The following LRFN5 variants were observed in gnomAD, a reference collection of about 807,000 sequenced individuals.
LRFN5 encodes leucine-rich repeat and fibronectin type-III domain-containing protein 5.
LRFN5 carries 24 observed loss-of-function variants against 45.6 expected under a neutral mutation model. That is an observed-to-expected ratio of 0.53 (90% CI 0.38 to 0.74). The LOEUF (loss-of-function observed/expected upper bound fraction) is 0.74. Ranked by LOEUF, LRFN5 falls within the 30% of genes least tolerant of loss-of-function variation. The pLI is 0.00. For missense variants in LRFN5, 776 were observed against 861.5 expected (o/e 0.90, Z 1.24); for synonymous variants, 340 against 313.8 (o/e 1.08, Z -0.88).
At chr14:41,808,593 G>GGAAC (rs779746848) in intron 2 of LRFN5, among the ~76,000 whole-genome samples, 5 of 139,140 alleles carry the variant, frequency 3.6e-5, no homozygotes, top group Non-Finnish European at 7.7e-5. Flanking sequence ...AAGGAAGGAA[G>GGAAC]GAACGAAGGA....
intron 2 of LRFN5, among the ~76,000 whole-genome samples, chr14:41,786,227 A>G (rs2138931513): frequency 6.6e-6 from 1 of 152,266 alleles, no homozygotes; most frequent in Non-Finnish European, 1.5e-5. Flanking sequence ...CAAGATATTT[A>G]TCATTTGTAT....
intron 2 of LRFN5, among the ~76,000 whole-genome samples, chr14:41,877,457 C>T (rs1157137708): frequency 6.6e-6 from 1 of 152,056 alleles, no homozygotes; most frequent in African/African-American, 2.4e-5. Flanking sequence ...TTTGTTTCCT[C>T]ATCTATAAAA....
intron 2 of LRFN5, among the ~76,000 whole-genome samples, chr14:41,873,802 T>C (rs1890101953): frequency 1.3e-5 from 2 of 152,150 alleles, no homozygotes; most frequent in Non-Finnish European, 2.9e-5. Flanking sequence ...TCTGCATTGC[T>C]TTACTACTGT....
chr14:41,871,729 C>T (rs1394279388), intron 2 of LRFN5, among the ~76,000 whole-genome samples: 2 of 152,144 alleles, frequency 1.3e-5, no homozygotes, highest in African/African-American at 4.8e-5. Context: ...TTTATTTCAA[C>T]ATCTCTCCCA....
intron 2 of LRFN5, among the ~76,000 whole-genome samples, chr14:41,776,122 G>A (rs1260648796): frequency 6.6e-6 from 1 of 152,126 alleles, no homozygotes; most frequent in Non-Finnish European, 1.5e-5. Context: ...TAACATACAT[G>A]TTACTCTTTT....
At chr14:41,795,115 G>A (rs575248953) in intron 2 of LRFN5, among the ~76,000 whole-genome samples, 4 of 151,998 alleles carry the variant, frequency 2.6e-5, no homozygotes, top group South Asian at 2.1e-4. Context: ...TTTATTAAAT[G>A]TTCAGGCTTC....
chr14:41,837,194 CA>C (rs5808157), intron 2 of LRFN5, among the ~76,000 whole-genome samples: 7,228 of 75,636 alleles, frequency 0.096, 515 homozygotes, highest in African/African-American at 0.25. Flanking sequence ...ACACACTCCA[CA>C]AAAAAAAAAA....
intron 1 of LRFN5, among the ~76,000 whole-genome samples, chr14:41,753,819 G>C (rs1379419702): frequency 6.6e-6 from 1 of 152,168 alleles, no homozygotes; most frequent in Non-Finnish European, 1.5e-5. Context: ...TAGGAGTGGT[G>C]AGAGAGGGCA....
At chr14:41,715,831 T>G (rs980941557) in intron 1 of LRFN5, among the ~76,000 whole-genome samples, 1 of 152,182 alleles carries the variant, frequency 6.6e-6, no homozygotes, top group African/African-American at 2.4e-5. Flanking sequence ...GGTACTCCAG[T>G]AGGGACTCTG....
chr14:41,639,949 A>ATTTTT (rs34020254), intron 1 of LRFN5, among the ~76,000 whole-genome samples: 8 of 68,082 alleles, frequency 1.2e-4, no homozygotes, highest in African/African-American at 2.3e-4. Context: ...TGACTGGCTA[A>ATTTTT]TTTTTTTTTT....
At chr14:41,764,842 GCAGAATACATATATATGATTATA>G (rs1885812838) in intron 1 of LRFN5, among the ~76,000 whole-genome samples, 2 of 149,878 alleles carry the variant, frequency 1.3e-5, no homozygotes, top group African/African-American at 5.0e-5. Context: ...GATTATATAT[GCAGAATACATATATATGATTATA>G]TATGCAGAAT....
At chr14:41,713,503 G>A (rs1402634621) in intron 1 of LRFN5, among the ~76,000 whole-genome samples, 1 of 146,078 alleles carries the variant, frequency 6.8e-6, no homozygotes, top group Non-Finnish European at 1.5e-5. Flanking sequence ...GTAGTATTGA[G>A]GTATACAAAA....
At chr14:41,777,175 G>A (rs1011332010) in intron 2 of LRFN5, among the ~76,000 whole-genome samples, 2 of 151,600 alleles carry the variant, frequency 1.3e-5, no homozygotes, top group African/African-American at 2.4e-5. Flanking sequence ...GCCTAATGTT[G>A]ATTTTTTATT....
At chr14:41,743,396 T>A (rs1884790355) in intron 1 of LRFN5, among the ~76,000 whole-genome samples, 1 of 152,172 alleles carries the variant, frequency 6.6e-6, no homozygotes, top group Non-Finnish European at 1.5e-5. Context: ...GGCTGCTCAC[T>A]TAAACAGTGT....
chr14:41,744,191 G>GA, intron 1 of LRFN5, among the ~76,000 whole-genome samples: 1 of 151,930 alleles, frequency 6.6e-6, no homozygotes, highest in East Asian at 1.9e-4. Flanking sequence ...CTCATCTCTA[G>GA]AAAAAATACA....
chr14:41,873,033 G>GCATT (rs1344856225), intron 2 of LRFN5, among the ~76,000 whole-genome samples: 1 of 152,114 alleles, frequency 6.6e-6, no homozygotes, highest in African/African-American at 2.4e-5. Context: ...AGTTGATGTA[G>GCATT]CATTGTTCAC....
chr14:41,775,266 G>A (rs996424357), intron 2 of LRFN5, among the ~76,000 whole-genome samples: 1 of 151,380 alleles, frequency 6.6e-6, no homozygotes, highest in Non-Finnish European at 1.5e-5. Flanking sequence ...AATTTTTTGT[G>A]TTTTTAGTAG....
chr14:41,700,065 G>A (rs1348185007), intron 1 of LRFN5: 1 of 152,042 alleles, frequency 6.6e-6, no homozygotes, highest in Non-Finnish European at 1.5e-5. Context: ...GATCTTGTTT[G>A]CTACTAGAAA....
intron 1 of LRFN5, among the ~76,000 whole-genome samples, chr14:41,609,248 G>T (rs769190162): frequency 6.6e-6 from 1 of 152,128 alleles, no homozygotes; most frequent in Non-Finnish European, 1.5e-5. Flanking sequence ...AGGCTAAAAC[G>T]ATAGCCACCA....
Sources: allele counts gnomAD v4.1 joint callset (sites outside exome capture counted in the v4.1 genomes callset), GRCh38; gene constraint gnomAD v4.1.1; transcripts MANE v1.5; gene names NCBI Gene and HGNC (gene_info 2026-07-23, HGNC 2026-07-21).